Variants in UGP2 observed in about 807,000 individuals in gnomAD.
UGP2 encodes the protein UDP-glucose pyrophosphorylase 2.
A neutral mutation model predicts 49.0 loss-of-function variants in UGP2; 40 were observed. The ratio of observed to expected loss-of-function variants is 0.82; its 90% CI spans 0.63 to 1.06. The LOEUF (loss-of-function observed/expected upper bound fraction) is 1.06. Ranked by LOEUF, UGP2 falls within the 50% of genes least tolerant of loss-of-function variation. The pLI, the probability that UGP2 is intolerant of heterozygous loss-of-function variation, is 0.00. For synonymous variants in UGP2, 225 were observed against 213.0 expected (o/e 1.06, Z -0.49); for missense variants, 460 against 603.5 (o/e 0.76, Z 2.49).
chr2:63,841,978 G>T lies in UGP2; in HGVS notation c.-208G>T. ...CAGTCGCACCAAGTTTCCGTCTTTT[G>T]GAATTGGGGAAGGAGTTTCTTTCTT... On this transcript the variant is annotated 5_prime_UTR_variant, in exon 1 of 10. Transcript: ENST00000337130. 1.8e-6 allele frequency: 1 copy of T among 560,034 alleles called. No homozygotes were observed. Among genetic ancestry groups the T allele is most frequent in the Non-Finnish European group, 2.8e-6 (1 of 358,820 alleles). 34.7% of individuals were successfully genotyped at this position (560,034 alleles called of 1,614,324 possible).
chr2:63,846,473 A>G (rs892208007), intron 1 of UGP2, among the ~76,000 whole-genome samples: 2 of 152,194 alleles, frequency 1.3e-5, no homozygotes, highest in Non-Finnish European at 2.9e-5. Flanking sequence ...ATGTGCCATT[A>G]TCTATCTAAA....
Position 63,856,352 on chromosome 2 carries a change from A to G in UGP2, c.66A>G (p.Glu22=), listed in dbSNP as rs1669415925. ...MSQDGASQFQ[E]VIRQELELSV... is the part of the protein sequence containing the mutation. ...AAGATGGTGCTTCTCAGTTCCAAGA[A>G]GTCATTCGGCAAGAGCTAGAATTAT... The change falls in exon 2 of 10, where the codon GAA becomes GAG. Residue 22 remains glutamate, a synonymous_variant. Coordinates refer to ENST00000337130, the MANE Select transcript of UGP2 (RefSeq NM_006759.4). 6.2e-7 allele frequency: 1 copy of G among 1,614,038 alleles called. No individual in the cohort carries two copies. The highest frequency in any genetic ancestry group is 2.2e-5 in the East Asian group (1 of 44,888).
At chr2:63,842,230 C>G (rs778282922) in intron 1 of UGP2, 26 bp downstream of exon 1, 2 of 1,609,482 alleles carry the variant, frequency 1.2e-6, no homozygotes, top group South Asian at 1.1e-5. Context: ...GCTTATATCC[C>G]GAGTTGCTTC....
chr2:63,855,813 T>C (rs1669376789), intron 1 of UGP2: 1 of 263,304 alleles, frequency 3.8e-6, no homozygotes, highest in Non-Finnish European at 7.5e-6. Flanking sequence ...AGTGTTGGGA[T>C]TGCAGGCATG....
At chr2:63,843,584 C>A (rs1671726610) in intron 1 of UGP2, among the ~76,000 whole-genome samples, 1 of 152,202 alleles carries the variant, frequency 6.6e-6, no homozygotes, top group Non-Finnish European at 1.5e-5. Context: ...GCAGAATTGG[C>A]AAGCATTGAC....
chr2:63,882,732 C>T, intron 4 of UGP2, 81 bp downstream of exon 4: 1 of 1,371,398 alleles, frequency 7.3e-7, no homozygotes, highest in East Asian at 2.4e-5. Context: ...TAAAATGTAG[C>T]AGATGTGAAT....
chr2:63,857,713 A>C, intron 2 of UGP2, 116 bp from the exon 3 acceptor site: 1 of 1,091,406 alleles, frequency 9.2e-7, no homozygotes. Context: ...TCCATGTCCT[A>C]ATGGTGTAAG....
chr2:63,861,437 G>A (rs545557547), intron 3 of UGP2, among the ~76,000 whole-genome samples: 1 of 152,032 alleles, frequency 6.6e-6, no homozygotes, highest in South Asian at 2.1e-4. Context: ...CTGACCCCTG[G>A]TGGTGATGTA....
chr2:63,877,995 G>A (rs1212689669), intron 3 of UGP2, among the ~76,000 whole-genome samples: 8 of 67,326 alleles, frequency 1.2e-4, no homozygotes, highest in Admixed American at 2.7e-4. Context: ...GCGAGACTCC[G>A]TCTCAAAAAA....
At chr2:63,858,698 G>T (rs1260713107) in intron 3 of UGP2, among the ~76,000 whole-genome samples, 1 of 151,808 alleles carries the variant, frequency 6.6e-6, no homozygotes, top group Non-Finnish European at 1.5e-5. Context: ...TGAATGAATT[G>T]TGATTTATTT....
intron 2 of UGP2, 85 bp from the exon 3 acceptor site, chr2:63,857,744 T>TA (rs1669543407): frequency 3.0e-5 from 40 of 1,335,330 alleles, no homozygotes; most frequent in Middle Eastern, 3.8e-4. Context: ...AACGATATTT[T>TA]AAATGTGTAA....
At chr2:63,857,594 A>G (rs547890913) in intron 2 of UGP2, 2 of 549,510 alleles carry the variant, frequency 3.6e-6, no homozygotes, top group South Asian at 3.0e-5. Flanking sequence ...CAAACTCCTG[A>G]GCTCAAACGA....
chr2:63,883,872 TTA>T, intron 4 of UGP2, 86 bp from the exon 5 acceptor site: 1 of 1,478,672 alleles, frequency 6.8e-7, no homozygotes, highest in Non-Finnish European at 9.1e-7. Context: ...TTTAGATATT[TTA>T]TGATTTAACC....
chr2:63,847,048 C>T (rs894916771), intron 1 of UGP2, among the ~76,000 whole-genome samples: 2 of 151,932 alleles, frequency 1.3e-5, no homozygotes, highest in Non-Finnish European at 2.9e-5. Flanking sequence ...TTAAATTGTC[C>T]GTGTTCTTGC....
chr2:63,856,548 A>G (rs1669444075), intron 2 of UGP2, 115 bp downstream of exon 2: 1 of 1,265,900 alleles, frequency 7.9e-7, no homozygotes, highest in Non-Finnish European at 1.1e-6. Flanking sequence ...AAGATGTACG[A>G]TAACATCAAA....
chr2:63,854,151 G>A (rs973535877), intron 1 of UGP2, among the ~76,000 whole-genome samples: 1 of 152,172 alleles, frequency 6.6e-6, no homozygotes, highest in Admixed American at 6.5e-5. Flanking sequence ...CCATTGGCCT[G>A]CTCTGTGACC....
intron 3 of UGP2, among the ~76,000 whole-genome samples, chr2:63,876,550 G>A (rs1274261378): frequency 2.0e-5 from 3 of 152,120 alleles, no homozygotes; most frequent in Non-Finnish European, 4.4e-5. Flanking sequence ...CAAATTCCTC[G>A]GCAGGACCTA....
chr2:63,888,818 C>T (rs553766198), intron 8 of UGP2: 1 of 152,330 alleles, frequency 6.6e-6, no homozygotes, highest in Admixed American at 6.5e-5. Flanking sequence ...AACAAAGTAA[C>T]ATTGAACAAA....
At chr2:63,882,398 G>A (rs759574927) in intron 3 of UGP2, 68 bp from the exon 4 acceptor site, 20 of 1,316,962 alleles carry the variant, frequency 1.5e-5, no homozygotes, top group Non-Finnish European at 1.9e-5. Flanking sequence ...AAATAACCCT[G>A]GGATTGATAT....
Sources: gnomAD v4.1 joint callset for allele counts (sites outside exome capture counted in the v4.1 genomes callset) on GRCh38, gnomAD v4.1.1 for gene constraint, MANE v1.5 for transcripts, NCBI Gene and HGNC (gene_info 2026-07-23, HGNC 2026-07-21) for gene names.